The following SREK1 variants were observed in gnomAD, a reference collection of about 807,000 sequenced individuals.
The protein encoded by SREK1 is splicing regulatory glutamic acid and lysine rich protein 1, also known as splicing regulatory glutamine/lysine-rich protein 1.
SREK1 carries 13 observed loss-of-function variants against 66.5 expected under a neutral mutation model. That is an observed-to-expected ratio of 0.20 (90% CI 0.13 to 0.31). The LOEUF is 0.31. Ranked by LOEUF, SREK1 falls within the 10% of genes least tolerant of loss-of-function variation. The pLI is 1.00. For missense variants in SREK1, 607 were observed against 769.6 expected (o/e 0.79, Z 2.50); for synonymous variants, 265 against 263.5 (o/e 1.01, Z -0.05).
rs552883489 is a variant in SREK1, at chr5:66,144,515, G to A, written c.139G>A (p.Glu47Lys). 5.8e-6 allele frequency: 9 copies of A among 1,553,478 alleles called. No homozygotes were observed. Among genetic ancestry groups the A allele is most frequent in the Non-Finnish European group, 7.8e-6 (9 of 1,147,996 alleles). Residue 47 changes from glutamate (E) to lysine (K), a missense_variant, in exon 1 of 12, where the codon GAG becomes AAG. By Grantham distance (56) the Glu-to-Lys change is moderately conservative. This residue lies in a region of SREK1 where 75 missense variants were observed against 72.9 expected (regional missense o/e 1.03). Coordinates refer to ENST00000334121, the MANE Select transcript of SREK1 (RefSeq NM_001077199.3). ...TTTTTCCTTCCTAGGAGAAATCGAG[G>A]AGCTGCGGCTCTACCCCCCGGAGTA... is the stretch of plus-strand genomic sequence containing the variant. ...TLFSFLGEIE[E>K]LRLYPPDNAP...
chr5:66,156,578 GT>G lies in SREK1; in HGVS notation c.296-2634del, dbSNP rs376028594. On this transcript the variant is annotated intron_variant, in intron 2 of 11. Transcript: ENST00000334121. Reference sequence around the variant, plus strand: ...CTGATCTCAGCGCAACATTTTTCTAGTTTTTTTCCCCCCTAGTCTACATCTC... The same window carrying G: ...CTGATCTCAGCGCAACATTTTTCTAGTTTTTTCCCCCCTAGTCTACATCTC... 4.5e-4 allele frequency: 443 copies of G among 985,442 alleles called. 3 individuals are homozygous for G. In the African/African-American group the frequency reaches 7.3e-3, roughly 16 times the overall value. The allele number at this position is 985,442 out of a possible 1,614,324, so 61.0% of individuals were successfully genotyped here.
chr5:66,178,963 G>T lies in SREK1; in HGVS notation c.*95G>T. ...GTAAACAGGAAAGAAATCTAGTTGA[G>T]CATGAAGATAGGATCTAACAGCTTT... is the stretch of plus-strand genomic sequence containing the variant. On this transcript the variant is annotated 3_prime_UTR_variant, in exon 12 of 12. Coordinates refer to ENST00000334121, the MANE Select transcript of SREK1 (RefSeq NM_001077199.3). The T allele has an allele frequency of 1.5e-6, 2 of 1,330,524 alleles. No individual in the cohort carries two copies. The highest frequency in any genetic ancestry group is 2.3e-5 in the South Asian group (1 of 43,608). 82.4% of individuals were successfully genotyped at this position (1,330,524 alleles called of 1,614,324 possible).
intron 11 of SREK1, 106 bp downstream of exon 11, chr5:66,177,764 G>T: frequency 1.3e-6 from 1 of 796,486 alleles, no homozygotes; most frequent in Non-Finnish European, 1.8e-6. Flanking sequence ...TACATTGTTG[G>T]CATTTTATGG....
At chr5:66,155,787 A>G (rs1020679296) in intron 2 of SREK1, among the ~76,000 whole-genome samples, 2 of 152,226 alleles carry the variant, frequency 1.3e-5, no homozygotes, top group African/African-American at 4.8e-5. Context: ...TAACAGTTTC[A>G]TGCATATTAA....
At chr5:66,164,396 C>A in intron 6 of SREK1, 8 of 338,084 alleles carry the variant, frequency 2.4e-5, no homozygotes, top group East Asian at 8.6e-5. Context: ...ATTAAAAAAC[C>A]CATTCTAAAA....
At chr5:66,148,695 T>A (rs1743485144) in intron 1 of SREK1, among the ~76,000 whole-genome samples, 1 of 131,616 alleles carries the variant, frequency 7.6e-6, no homozygotes, top group Non-Finnish European at 1.8e-5. Flanking sequence ...CTCCTGGGCT[T>A]AAGCAGTCCG....
At chr5:66,147,083 T>C (rs778733646) in intron 1 of SREK1, among the ~76,000 whole-genome samples, 6 of 152,184 alleles carry the variant, frequency 3.9e-5, no homozygotes, top group Non-Finnish European at 8.8e-5. Context: ...ATGACTTAAG[T>C]TGCTAATATG....
At chr5:66,178,644 G>T in intron 11 of SREK1, 75 bp from the exon 12 acceptor site, 1 of 1,393,796 alleles carries the variant, frequency 7.2e-7, no homozygotes, top group Non-Finnish European at 9.5e-7. Context: ...AAAAGATAAA[G>T]TTTCACATTT....
At chr5:66,156,574 TC>T in intron 2 of SREK1, 1 of 985,684 alleles carries the variant, frequency 1.0e-6, no homozygotes, top group Non-Finnish European at 1.2e-6. Flanking sequence ...GCAACATTTT[TC>T]TAGTTTTTTT....
intron 3 of SREK1, among the ~76,000 whole-genome samples, chr5:66,159,646 TA>T (rs769446947): frequency 1.5e-4 from 23 of 152,178 alleles, no homozygotes; most frequent in Non-Finnish European, 3.1e-4. Context: ...ATTTCTCAGT[TA>T]ATGAGGATTA....
chr5:66,159,973 A>G (rs1035834092), intron 3 of SREK1, among the ~76,000 whole-genome samples: 1 of 152,170 alleles, frequency 6.6e-6, no homozygotes, highest in Non-Finnish European at 1.5e-5. Context: ...CACTAAAAAT[A>G]CAAAAACTTC....
chr5:66,174,236 A>G (rs1315570646), intron 9 of SREK1, among the ~76,000 whole-genome samples: 4 of 152,152 alleles, frequency 2.6e-5, no homozygotes, highest in Non-Finnish European at 5.9e-5. Flanking sequence ...TGCTAATCTG[A>G]TAAGCAAAAT....
chr5:66,155,871 C>A (rs1251162388), intron 2 of SREK1, among the ~76,000 whole-genome samples: 2 of 152,194 alleles, frequency 1.3e-5, no homozygotes, highest in Admixed American at 1.3e-4. Flanking sequence ...CAAATATGAC[C>A]TCTTTTTGTT....
At chr5:66,169,432 TA>T (rs1345883451) in intron 7 of SREK1, 1 of 152,180 alleles carries the variant, frequency 6.6e-6, no homozygotes, top group Non-Finnish European at 1.5e-5. Context: ...TGTGTATATA[TA>T]GAATGCAAAT....
In SREK1 at chr5:66,153,463, C is replaced by T; in HGVS notation, c.162C>T (p.Asp54=). Residue 54 remains aspartate, a splice_region_variant and synonymous_variant, in exon 2 of 12, where the codon GAC becomes GAT. Transcript: ENST00000334121. ...EIEELRLYPP[D]NAPLAFSSKV... ...AATTGTTTTTCTTTTTATCTTGCAG[C>T]AACGCACCTCTTGCTTTTTCCTCCA... The T allele has an allele frequency of 6.2e-7, 1 of 1,610,444 alleles. No homozygotes were observed. Among genetic ancestry groups the T allele is most frequent in the South Asian group, 1.1e-5 (1 of 90,332 alleles).
At chr5:66,155,971 G>A (rs1334790180) in intron 2 of SREK1, 3 of 1,516,136 alleles carry the variant, frequency 2.0e-6, no homozygotes, top group Non-Finnish European at 2.6e-6. Flanking sequence ...CTAATCATCA[G>A]TCATAACTTT....
intron 2 of SREK1, among the ~76,000 whole-genome samples, chr5:66,153,949 T>C (rs890798389): frequency 2.6e-5 from 4 of 152,238 alleles, no homozygotes; most frequent in African/African-American, 9.6e-5. Flanking sequence ...ATATTAATAC[T>C]ATTACAAATG....
At chr5:66,158,685 C>A in intron 2 of SREK1, 1 of 853,352 alleles carries the variant, frequency 1.2e-6, no homozygotes, top group Non-Finnish European at 1.6e-6. Flanking sequence ...TAAGAAATTT[C>A]AATTCGCACA....
chr5:66,169,176 A>T (rs1218196153), intron 7 of SREK1: 1 of 152,246 alleles, frequency 6.6e-6, no homozygotes. Context: ...CACATTCTCA[A>T]AAAACTTTTT....
Sources: gnomAD v4.1 joint callset for allele counts (sites outside exome capture counted in the v4.1 genomes callset) on GRCh38, gnomAD v4.1.1 for gene constraint, gnomAD v4.1.1 regional missense constraint, MANE v1.5 for transcripts, NCBI Gene and HGNC (gene_info 2026-07-23, HGNC 2026-07-21) for gene names.